NRXN1: variants seen among roughly 807,000 people sequenced by gnomAD.
NRXN1 encodes neurexin-1.
A neutral mutation model predicts 150.9 loss-of-function variants in NRXN1; 39 were observed. The observed-to-expected ratio is 0.26, with a 90% CI of 0.20 to 0.34. The LOEUF is 0.34. Among genes scored for constraint, NRXN1 ranks in the 10% least tolerant of loss-of-function variants. The pLI is 1.00. For synonymous variants in NRXN1, 924 were observed against 757.0 expected (o/e 1.22, Z -3.62); for missense variants, 1,815 against 1,949.9 (o/e 0.93, Z 1.30).
intron 9 of NRXN1, among the ~76,000 whole-genome samples, chr2:50,544,595 A>T (rs2093455355): frequency 6.6e-6 from 1 of 152,152 alleles, no homozygotes; most frequent in Non-Finnish European, 1.5e-5. Flanking sequence ...TAAAAGTTTA[A>T]TAATGTCTGG....
intron 5 of NRXN1, among the ~76,000 whole-genome samples, chr2:50,899,787 T>C (rs770855321): frequency 1.3e-5 from 2 of 152,226 alleles, no homozygotes; most frequent in African/African-American, 2.4e-5. Flanking sequence ...TATAGAACTT[T>C]TGATATCTGG....
chr2:50,399,721 C>T (rs1339065754), intron 17 of NRXN1, among the ~76,000 whole-genome samples: 1 of 124,200 alleles, frequency 8.1e-6, no homozygotes, highest in South Asian at 2.8e-4. Flanking sequence ...TTTTGAAAAA[C>T]CTTGTTCAGT....
chr2:50,239,881 C>T (rs1024457675), intron 17 of NRXN1, among the ~76,000 whole-genome samples: 50 of 150,228 alleles, frequency 3.3e-4, no homozygotes, highest in Admixed American at 2.4e-3. Context: ...CCTCACAATA[C>T]TTTTAAAAAG....
intron 5 of NRXN1, among the ~76,000 whole-genome samples, chr2:50,813,661 G>A (rs1668534686): frequency 6.6e-6 from 1 of 152,134 alleles, no homozygotes; most frequent in African/African-American, 2.4e-5. Context: ...GAATCAGCTA[G>A]ATATGTTAAA....
At chr2:50,850,273 G>A (rs1191560792) in intron 5 of NRXN1, among the ~76,000 whole-genome samples, 1 of 150,600 alleles carries the variant, frequency 6.6e-6, no homozygotes, top group East Asian at 1.9e-4. Flanking sequence ...TGTTGCTGTT[G>A]TTTGTTTGTT....
chr2:50,603,222 G>C (rs898440575), intron 8 of NRXN1, among the ~76,000 whole-genome samples: 5 of 152,160 alleles, frequency 3.3e-5, no homozygotes, highest in African/African-American at 1.2e-4. Flanking sequence ...CATGTGTTTT[G>C]ATCATATACC....
At chr2:50,418,488 G>A (rs1268711154) in intron 17 of NRXN1, among the ~76,000 whole-genome samples, 3 of 152,074 alleles carry the variant, frequency 2.0e-5, no homozygotes, top group Admixed American at 6.6e-5. Flanking sequence ...TGACTGGAAC[G>A]GAGAAAGGGA....
chr2:51,023,339 A>C (rs1669922127), intron 2 of NRXN1, among the ~76,000 whole-genome samples: 1 of 152,308 alleles, frequency 6.6e-6, no homozygotes, highest in Non-Finnish European at 1.5e-5. Flanking sequence ...CATGGTCCAG[A>C]AGGTTGTGCA....
intron 17 of NRXN1, among the ~76,000 whole-genome samples, chr2:50,404,723 A>T (rs1287726701): frequency 4.6e-5 from 7 of 152,124 alleles, no homozygotes; most frequent in African/African-American, 1.7e-4. Flanking sequence ...TTGAAAAGTC[A>T]TATGTTTCCA....
intron 17 of NRXN1, among the ~76,000 whole-genome samples, chr2:50,320,895 T>A (rs565282511): frequency 1.3e-5 from 2 of 152,290 alleles, no homozygotes; most frequent in East Asian, 3.9e-4. Flanking sequence ...TACTCTTCTA[T>A]CCTCTGATAA....
At chr2:50,637,068 C>T (rs1683332048) in intron 5 of NRXN1, among the ~76,000 whole-genome samples, 1 of 152,084 alleles carries the variant, frequency 6.6e-6, no homozygotes. Flanking sequence ...CAATTCCTCA[C>T]TTTATGGTTG....
intron 5 of NRXN1, among the ~76,000 whole-genome samples, chr2:50,884,545 A>G (rs578237646): frequency 6.6e-6 from 1 of 151,898 alleles, no homozygotes; most frequent in African/African-American, 2.4e-5. Flanking sequence ...CTTACTAGAG[A>G]TCATGTATTC....
At chr2:50,544,905 A>G (rs1484634654) in intron 9 of NRXN1, among the ~76,000 whole-genome samples, 1 of 152,194 alleles carries the variant, frequency 6.6e-6, no homozygotes. Context: ...TAAGGTATGT[A>G]TGGTGTCACT....
intron 17 of NRXN1, among the ~76,000 whole-genome samples, chr2:50,329,651 ATATATATATATATATATATATATTTTTT>A (rs1423264480): frequency 3.2e-4 from 3 of 9,368 alleles, no homozygotes; most frequent in African/African-American, 2.4e-3. Flanking sequence ...ATATATATAT[ATATATATATATATATATATATATTTTTT>A]TTTTTCCCCC....
chr2:50,367,183 C>T lies in NRXN1; in HGVS notation c.3364+98259G>A, dbSNP rs373699607. Among the ~76,000 whole-genome samples the T allele has an allele frequency of 8.6e-5, 13 of 151,958 alleles. No individual in the cohort carries two copies. The East Asian group carries it at 1.9e-3, about 23-fold the overall frequency. On this transcript the variant is annotated intron_variant, in intron 17 of 22. Coordinates refer to ENST00000401669, the MANE Select transcript of NRXN1 (RefSeq NM_001330078.2). The stretch of plus-strand genomic sequence containing the variant: ...ATAACTCAAGGAGAATAAGGCTATC[C>T]TCGTCTCTTGAACAGAAGAAAATGT...
chr2:50,398,397 T>C (rs1418078739), intron 17 of NRXN1, among the ~76,000 whole-genome samples: 1 of 151,992 alleles, frequency 6.6e-6, no homozygotes, highest in Non-Finnish European at 1.5e-5. Context: ...TCAAACGCAA[T>C]GTTATTCAAG....
chr2:50,197,949 T>C (rs2061885766), intron 18 of NRXN1, among the ~76,000 whole-genome samples: 2 of 152,148 alleles, frequency 1.3e-5, no homozygotes, highest in African/African-American at 4.8e-5. Context: ...GAAAAAGAAA[T>C]TCCAGTTGGT....
chr2:50,859,956 T>C (rs1351798772), intron 5 of NRXN1, among the ~76,000 whole-genome samples: 1 of 151,930 alleles, frequency 6.6e-6, no homozygotes, highest in African/African-American at 2.4e-5. Flanking sequence ...AATTCAAAAT[T>C]TGGAGATACA....
At chr2:50,989,688 T>A (rs1698254784) in intron 2 of NRXN1, among the ~76,000 whole-genome samples, 4 of 152,042 alleles carry the variant, frequency 2.6e-5, no homozygotes. Flanking sequence ...AGTCTGTCTA[T>A]CCACTAAGCA....
Sources: gnomAD v4.1 joint callset for allele counts (sites outside exome capture counted in the v4.1 genomes callset) on GRCh38, gnomAD v4.1.1 for gene constraint, MANE v1.5 for transcripts, NCBI Gene and HGNC (gene_info 2026-07-23, HGNC 2026-07-21) for gene names.